The following RASEF variants were observed in gnomAD, a reference collection of about 807,000 sequenced individuals.
RASEF encodes the protein ras and EF-hand domain-containing protein.
Under a neutral mutation model 90.1 loss-of-function variants are expected in RASEF, and 68 were observed. The observed-to-expected ratio is 0.75, with a 90% CI of 0.62 to 0.92. The LOEUF (loss-of-function observed/expected upper bound fraction) is 0.92, where lower values mean the gene tolerates loss of function less well. Ranked by LOEUF, RASEF falls within the 40% of genes least tolerant of loss-of-function variation. The pLI, the probability that RASEF is intolerant of heterozygous loss-of-function variation, is 0.00. For synonymous variants in RASEF, 331 were observed against 345.2 expected (o/e 0.96, Z 0.46); for missense variants, 949 against 937.2 (o/e 1.01, Z -0.16).
chr9:83,022,507 T>A, intron 2 of RASEF, 81 bp from the exon 3 acceptor site: 1 of 979,340 alleles, frequency 1.0e-6, no homozygotes. Flanking sequence ...TCATCTACGT[T>A]AAGCCCTATA....
the RASEF span, among the ~76,000 whole-genome samples, chr9:83,131,619 GCAGTGGATCA>G: frequency 2.0e-5 from 3 of 152,154 alleles, no homozygotes; most frequent in Non-Finnish European, 2.9e-5. Context: ...ATTCTGGATT[GCAGTGGATCA>G]CTTCTAAATC....
At chr9:83,004,419 A>ATTCTATTATTT in intron 9 of RASEF, 79 bp downstream of exon 9, 8 of 809,604 alleles carry the variant, frequency 9.9e-6, no homozygotes, top group South Asian at 1.5e-5. Context: ...CTATTATTTT[A>ATTCTATTATTT]ATCCACCTCC....
the RASEF span, among the ~76,000 whole-genome samples, chr9:83,163,284 G>A: frequency 6.6e-6 from 1 of 152,096 alleles, no homozygotes; most frequent in East Asian, 1.9e-4. Context: ...CATGACTAAA[G>A]GCATGTCTAC....
the RASEF span, among the ~76,000 whole-genome samples, chr9:83,136,731 T>A: frequency 6.6e-6 from 1 of 152,138 alleles, no homozygotes; most frequent in African/African-American, 2.4e-5. Flanking sequence ...ACTCATTTAA[T>A]CATTTGTATT....
chr9:83,048,696 G>C (rs1443385458), intron 1 of RASEF: 5 of 985,168 alleles, frequency 5.1e-6, no homozygotes, highest in Non-Finnish European at 6.0e-6. Context: ...ATAGTGTTAT[G>C]CCCTCAATTT....
At chr9:83,023,659 A>G (rs1379164018) in intron 2 of RASEF, among the ~76,000 whole-genome samples, 1 of 152,206 alleles carries the variant, frequency 6.6e-6, no homozygotes, top group Non-Finnish European at 1.5e-5. Flanking sequence ...CAAGCTTGGG[A>G]AGTCAGTTCA....
At chr9:83,000,872 A>T in intron 10 of RASEF, 24 bp downstream of exon 10, 6 of 1,571,504 alleles carry the variant, frequency 3.8e-6, no homozygotes, top group Non-Finnish European at 5.3e-6. Context: ...AAGGCCTAGG[A>T]GAGCAGTGGT....
At chr9:83,003,002 T>A (rs1286219469) in intron 9 of RASEF, among the ~76,000 whole-genome samples, 1 of 152,222 alleles carries the variant, frequency 6.6e-6, no homozygotes, top group African/African-American at 2.4e-5. Context: ...AATTTCATTA[T>A]AATTAACTAT....
the RASEF span, among the ~76,000 whole-genome samples, chr9:83,134,410 GCACACACACACACA>G: frequency 1.4e-5 from 2 of 139,134 alleles, no homozygotes; most frequent in East Asian, 2.0e-4. Context: ...TCACAATAGC[GCACACACACACACA>G]CACACACACA....
chr9:83,076,901 A>G, the RASEF span, among the ~76,000 whole-genome samples: 1 of 152,198 alleles, frequency 6.6e-6, no homozygotes, highest in Non-Finnish European at 1.5e-5. Flanking sequence ...ATTCTGATAA[A>G]CAGTATTCCA....
At position 83,000,092 on chromosome 9, in the gene RASEF, G is replaced by A. The variant is rs547184038; in HGVS notation, c.1723+77C>T. The A allele has an allele frequency of 1.0e-4, 132 of 1,321,004 alleles. 1 individual carries two copies. The African/African-American group carries it at 1.8e-3, about 18-fold the overall frequency. The allele number at this position is 1,321,004 out of a possible 1,614,324, so 81.8% of individuals were successfully genotyped here. A position where few individuals can be genotyped will look rare whatever the true frequency, so the allele number is the denominator to read the frequency against. On this transcript the variant is annotated intron_variant, in intron 12 of 16. Coordinates refer to ENST00000376447, the MANE Select transcript of RASEF (RefSeq NM_152573.4). ...AGAAAACTGTTAACTGAGCATCTGT[G>A]TATGTAATCCCTGAAGAAGAGAAAA...
chr9:83,104,470 A>G, the RASEF span, among the ~76,000 whole-genome samples: 33 of 152,324 alleles, frequency 2.2e-4, no homozygotes, highest in African/African-American at 7.5e-4. Flanking sequence ...AAAGAGATGG[A>G]CAATATAAGA....
At chr9:83,049,061 T>G (rs1829986693) in intron 1 of RASEF, among the ~76,000 whole-genome samples, 2 of 151,308 alleles carry the variant, frequency 1.3e-5, no homozygotes, top group Non-Finnish European at 2.9e-5. Context: ...GAGGCAAAGG[T>G]TGCAGTGAGC....
the RASEF span, among the ~76,000 whole-genome samples, chr9:83,137,869 T>C: frequency 6.6e-6 from 1 of 151,900 alleles, no homozygotes; most frequent in South Asian, 2.1e-4. Context: ...GAGATGGATG[T>C]GGGTTAAGCT....
At chr9:83,156,919 A>G in the RASEF span, among the ~76,000 whole-genome samples, 1 of 152,242 alleles carries the variant, frequency 6.6e-6, no homozygotes, top group Non-Finnish European at 1.5e-5. Context: ...TAACACATGG[A>G]TACATTTTAA....
At chr9:83,146,846 A>G in the RASEF span, among the ~76,000 whole-genome samples, 1 of 152,098 alleles carries the variant, frequency 6.6e-6, no homozygotes, top group Non-Finnish European at 1.5e-5. Flanking sequence ...CAGCAACTGG[A>G]TGAGAGTGAT....
At chr9:83,197,589 G>A in the RASEF span, among the ~76,000 whole-genome samples, 5 of 152,118 alleles carry the variant, frequency 3.3e-5, no homozygotes, top group African/African-American at 1.2e-4. Flanking sequence ...AAGAAATCTT[G>A]GAAGTCAAGT....
chr9:82,987,649 G>A (rs1828733007), intron 16 of RASEF, among the ~76,000 whole-genome samples: 1 of 152,104 alleles, frequency 6.6e-6, no homozygotes, highest in Non-Finnish European at 1.5e-5. Flanking sequence ...GGGGCACTTT[G>A]GAGCCATATA....
chr9:83,119,314 T>C, the RASEF span, among the ~76,000 whole-genome samples: 88 of 152,102 alleles, frequency 5.8e-4, no homozygotes, highest in African/African-American at 2.1e-3. Flanking sequence ...CCACCACACC[T>C]GGCCCAAGAA....
Sources: allele counts gnomAD v4.1 joint callset (sites outside exome capture counted in the v4.1 genomes callset), GRCh38; gene constraint gnomAD v4.1.1; transcripts MANE v1.5; gene names NCBI Gene and HGNC (gene_info 2026-07-23, HGNC 2026-07-21).